The following SLC35F4 variants were observed in gnomAD, a reference collection of about 807,000 sequenced individuals.
SLC35F4 encodes the protein solute carrier family 35 member F4, also known as chromosome 14 open reading frame 36.
Under a neutral mutation model 44.2 loss-of-function variants are expected in SLC35F4, and 24 were observed. The observed-to-expected ratio is 0.54, with a 90% CI of 0.39 to 0.76. The LOEUF is 0.76. SLC35F4 is among the 30% of genes least tolerant of loss of function. SLC35F4 has a pLI of 0.00. For missense variants in SLC35F4, 562 were observed against 586.1 expected (o/e 0.96, Z 0.42); for synonymous variants, 238 against 223.6 (o/e 1.06, Z -0.57).
At chr14:57,642,955 G>A (rs2073317533) in intron 1 of SLC35F4, among the ~76,000 whole-genome samples, 3 of 151,768 alleles carry the variant, frequency 2.0e-5, no homozygotes, top group Non-Finnish European at 4.4e-5. Flanking sequence ...TCTTGTTATA[G>A]GACATCTACT....
intron 1 of SLC35F4, among the ~76,000 whole-genome samples, chr14:57,749,979 G>A (rs2076844468): frequency 6.6e-6 from 1 of 151,950 alleles, no homozygotes; most frequent in African/African-American, 2.4e-5. Flanking sequence ...GGATTTTAGG[G>A]TATCTATCAC....
At chr14:57,821,407 G>A (rs1343923086) in intron 1 of SLC35F4, among the ~76,000 whole-genome samples, 2 of 152,196 alleles carry the variant, frequency 1.3e-5, no homozygotes, top group African/African-American at 2.4e-5. Context: ...TGCAGCTAAG[G>A]CTACCACTGG....
At chr14:57,907,242 T>C (rs1889118348) in intron 1 of SLC35F4, among the ~76,000 whole-genome samples, 1 of 152,226 alleles carries the variant, frequency 6.6e-6, no homozygotes, top group South Asian at 2.1e-4. Context: ...GTATGCACTT[T>C]TTAGGTATAA....
intron 1 of SLC35F4, among the ~76,000 whole-genome samples, chr14:57,677,987 C>T (rs1447569360): frequency 6.6e-6 from 1 of 151,724 alleles, no homozygotes; most frequent in East Asian, 1.9e-4. Context: ...GGGAAATTAT[C>T]CAGGATCCAT....
chr14:57,804,625 T>C (rs1190164711), intron 1 of SLC35F4, among the ~76,000 whole-genome samples: 1 of 152,182 alleles, frequency 6.6e-6, no homozygotes, highest in African/African-American at 2.4e-5. Context: ...TACCTCAAGA[T>C]GGATTAAGGA....
intron 1 of SLC35F4, among the ~76,000 whole-genome samples, chr14:57,664,631 G>A (rs67972524): frequency 0.39 from 59,032 of 151,832 alleles, 11,598 homozygotes; most frequent in South Asian, 0.5. Flanking sequence ...AGCTGGTCTC[G>A]AACTCCTGAC....
At chr14:57,710,334 G>A (rs575896564) in intron 1 of SLC35F4, among the ~76,000 whole-genome samples, 10 of 152,354 alleles carry the variant, frequency 6.6e-5, no homozygotes, top group African/African-American at 2.2e-4. Flanking sequence ...TTTAGAGGAT[G>A]TATGAAAATG....
intron 1 of SLC35F4, among the ~76,000 whole-genome samples, chr14:57,763,800 C>T (rs556059209): frequency 8.5e-5 from 13 of 152,094 alleles, no homozygotes; most frequent in Non-Finnish European, 1.6e-4. Context: ...TATTTCTCAT[C>T]GCATTTACTG....
In SLC35F4 at chr14:57,564,044, G is replaced by A; in HGVS notation, c.*91C>T. 7.0e-7 allele frequency: 1 copy of A among 1,424,016 alleles called. No individual in the cohort carries two copies. Among genetic ancestry groups the A allele is most frequent in the Non-Finnish European group, 9.6e-7 (1 of 1,042,724 alleles). 88.2% of individuals were successfully genotyped at this position (1,424,016 alleles called of 1,614,324 possible). On this transcript the variant is annotated 3_prime_UTR_variant, in exon 8 of 8. Transcript: ENST00000556826. ...CACATATGATTTATCCAAATTCAGA[G>A]TTAATACTGTCGTTTGAGTGTACAG...
Position 57,865,774 on chromosome 14 carries a change from G to C in SLC35F4, c.52C>G (p.Leu18Val). 1 of 1,524,340 alleles carries C rather than the reference G, an allele frequency of 6.6e-7. No homozygotes were observed. Among genetic ancestry groups the C allele is most frequent in the Non-Finnish European group, 8.8e-7 (1 of 1,142,252 alleles). The allele number at this position is 1,524,340 out of a possible 1,614,324, so 94.4% of individuals were successfully genotyped here. Residue 18 changes from leucine to valine, a missense_variant, in exon 1 of 8, where the codon CTG becomes GTG. Physicochemically the swap from Leu to Val is conservative, Grantham distance 32 (BLOSUM62 1). Transcript: ENST00000556826. Reference sequence around the variant, plus strand: ...TAGCCATAGTAGCCGGTGATCCGCAGGATCCGGTCCTCGATAGTGGCCACC... The same window carrying C: ...TAGCCATAGTAGCCGGTGATCCGCACGATCCGGTCCTCGATAGTGGCCACC... ...NGVATIEDRILRITGYYGYYP... is the reference protein window; with the variant it reads ...NGVATIEDRIVRITGYYGYYP...
At chr14:57,716,574 C>T (rs2075950196) in intron 1 of SLC35F4, among the ~76,000 whole-genome samples, 1 of 151,998 alleles carries the variant, frequency 6.6e-6, no homozygotes, top group South Asian at 2.1e-4. Context: ...CTCAAAAATC[C>T]ACTTCCCATA....
chr14:57,571,817 C>T, intron 5 of SLC35F4, 77 bp downstream of exon 5: 2 of 1,505,172 alleles, frequency 1.3e-6, no homozygotes, highest in South Asian at 2.6e-5. Context: ...TCAATGATTA[C>T]ATCGTACTTT....
chr14:57,892,343 A>G (rs764974236), intron 1 of SLC35F4, among the ~76,000 whole-genome samples: 1 of 152,206 alleles, frequency 6.6e-6, no homozygotes, highest in Non-Finnish European at 1.5e-5. Flanking sequence ...TAGTCTTAGA[A>G]GAAAGAGCCT....
At chr14:57,775,762 T>G (rs1041882796) in intron 1 of SLC35F4, among the ~76,000 whole-genome samples, 2 of 152,204 alleles carry the variant, frequency 1.3e-5, no homozygotes, top group South Asian at 2.1e-4. Context: ...CTCCAAATGA[T>G]TGCACTCGTT....
At chr14:57,964,977 A>G (rs1032733304) in intron 1 of SLC35F4, among the ~76,000 whole-genome samples, 1,553 of 71,672 alleles carry the variant, frequency 0.022, 8 homozygotes, top group East Asian at 0.095. Context: ...CATGGGGGAA[A>G]AAAAAAAAAA....
chr14:57,594,678 C>A (rs1460690475), intron 1 of SLC35F4, among the ~76,000 whole-genome samples: 1 of 152,210 alleles, frequency 6.6e-6, no homozygotes, highest in Non-Finnish European at 1.5e-5. Context: ...TGATTTTCCA[C>A]TCTACCCTTT....
intron 1 of SLC35F4, among the ~76,000 whole-genome samples, chr14:57,848,900 G>A (rs1886276344): frequency 6.6e-6 from 1 of 152,148 alleles, no homozygotes; most frequent in African/African-American, 2.4e-5. Flanking sequence ...TGGAACTTGG[G>A]GAGCAAGGGG....
intron 1 of SLC35F4, among the ~76,000 whole-genome samples, chr14:57,753,845 G>T (rs1193433199): frequency 6.6e-6 from 1 of 151,914 alleles, no homozygotes; most frequent in Non-Finnish European, 1.5e-5. Flanking sequence ...CCTCCCATTT[G>T]GCCCTTTTCT....
chr14:57,569,291 A>G (rs2068362439), intron 6 of SLC35F4, among the ~76,000 whole-genome samples: 1 of 152,164 alleles, frequency 6.6e-6, no homozygotes, highest in African/African-American at 2.4e-5. Flanking sequence ...TTTAAATCCA[A>G]ACACCTCAAA....
Sources: gnomAD v4.1 joint callset for allele counts (sites outside exome capture counted in the v4.1 genomes callset) on GRCh38, gnomAD v4.1.1 for gene constraint, MANE v1.5 for transcripts, NCBI Gene and HGNC (gene_info 2026-07-23, HGNC 2026-07-21) for gene names.